The following NPFFR2 variants were observed in gnomAD, a reference collection of about 807,000 sequenced individuals.
The protein encoded by NPFFR2 is neuropeptide FF receptor 2.
A neutral mutation model predicts 13.1 loss-of-function variants in NPFFR2; 15 were observed. That is an observed-to-expected ratio of 1.15 (90% CI 0.77 to 1.76). NPFFR2 has a LOEUF of 1.76. Ranked by LOEUF, NPFFR2 falls within the 40% of genes most tolerant of loss-of-function variation. The probability of loss-of-function intolerance (pLI) is 0.00; values close to 1 mark genes in which losing one functional copy is unlikely to be tolerated. For missense variants in NPFFR2, 572 were observed against 503.5 expected (o/e 1.14, Z -1.30); for synonymous variants, 190 against 175.7 (o/e 1.08, Z -0.65).
At chr4:72,062,437 T>A (rs1401689930) in intron 1 of NPFFR2, among the ~76,000 whole-genome samples, 1 of 152,088 alleles carries the variant, frequency 6.6e-6, no homozygotes, top group Non-Finnish European at 1.5e-5. Context: ...GATTGCAACT[T>A]AATCAATTAA....
chr4:72,117,891 A>G (rs560494366), intron 1 of NPFFR2, among the ~76,000 whole-genome samples: 2 of 152,338 alleles, frequency 1.3e-5, no homozygotes, highest in East Asian at 3.9e-4. Flanking sequence ...AGTACACCAC[A>G]CATACTTTGC....
chr4:72,047,929 G>A (rs141094272), intron 1 of NPFFR2, among the ~76,000 whole-genome samples: 15 of 152,214 alleles, frequency 9.9e-5, no homozygotes, highest in Middle Eastern at 3.4e-3. Context: ...TTGAGAATGT[G>A]TCTAGGGACT....
intron 1 of NPFFR2, among the ~76,000 whole-genome samples, chr4:72,050,409 G>A (rs940836423): frequency 8.6e-5 from 13 of 151,942 alleles, no homozygotes; most frequent in Admixed American, 8.5e-4. Flanking sequence ...GGGGTTGTAC[G>A]TGCTTCATTA....
intron 1 of NPFFR2, among the ~76,000 whole-genome samples, chr4:72,116,684 G>GTA (rs1377059374): frequency 4.6e-5 from 7 of 152,172 alleles, no homozygotes; most frequent in African/African-American, 1.7e-4. Context: ...CACTTGAGGT[G>GTA]TAAAAGTATA....
rs559134742 is a variant in NPFFR2, at chr4:72,135,186, A to G, written c.329-2854A>G. On this transcript the variant is annotated intron_variant, in intron 2 of 3. Transcript: ENST00000308744. ...TTTGTATTTTGTTTTTCTTATGGAA[A>G]TCTTTTAGAACTTCCCTTTATCCCT... Among the ~76,000 whole-genome samples the G allele has an allele frequency of 2.6e-5, 4 of 152,198 alleles. No individual in the cohort carries two copies. The East Asian group carries it at 7.7e-4, about 29-fold the overall frequency.
chr4:72,051,809 G>A (rs1719592363), intron 1 of NPFFR2, among the ~76,000 whole-genome samples: 1 of 151,450 alleles, frequency 6.6e-6, no homozygotes, highest in Non-Finnish European at 1.5e-5. Context: ...ATGATAAAGG[G>A]GATATCACCA....
intron 1 of NPFFR2, among the ~76,000 whole-genome samples, chr4:72,116,741 G>C (rs74945285): frequency 0.018 from 2,751 of 152,166 alleles, 96 homozygotes; most frequent in African/African-American, 0.062. Flanking sequence ...GCATTCGTTT[G>C]ATTAAATCTT....
chr4:72,094,429 C>T (rs1721000759), intron 1 of NPFFR2, among the ~76,000 whole-genome samples: 1 of 152,094 alleles, frequency 6.6e-6, no homozygotes, highest in African/African-American at 2.4e-5. Context: ...GAGACTATGT[C>T]CTTTGTCTTC....
intron 1 of NPFFR2, among the ~76,000 whole-genome samples, chr4:72,076,106 T>C (rs771536423): frequency 6.6e-6 from 1 of 151,784 alleles, no homozygotes; most frequent in East Asian, 1.9e-4. Flanking sequence ...CTAGACGGCA[T>C]AGATAGTGGA....
chr4:72,062,996 G>A (rs1479339312), intron 1 of NPFFR2, among the ~76,000 whole-genome samples: 2 of 152,198 alleles, frequency 1.3e-5, no homozygotes, highest in Non-Finnish European at 2.9e-5. Flanking sequence ...GTAGTTGGTT[G>A]TAATTATTGC....
intron 2 of NPFFR2, among the ~76,000 whole-genome samples, chr4:72,130,010 A>T (rs1336543286): frequency 2.1e-5 from 3 of 142,058 alleles, no homozygotes; most frequent in African/African-American, 8.2e-5. Flanking sequence ...CCCTTAATCC[A>T]TTCAACTCTG....
intron 1 of NPFFR2, among the ~76,000 whole-genome samples, chr4:72,079,053 A>AACACACACACACACAC (rs59522916): frequency 2.6e-4 from 36 of 139,216 alleles, no homozygotes; most frequent in African/African-American, 1.3e-4. Flanking sequence ...CATAGAACTA[A>AACACACACACACACAC]ACACACACAC....
At chr4:72,105,602 C>G (rs541030672) in intron 1 of NPFFR2, among the ~76,000 whole-genome samples, 1 of 151,964 alleles carries the variant, frequency 6.6e-6, no homozygotes, top group East Asian at 1.9e-4. Context: ...TTATAATTGA[C>G]TAACACCAGG....
intron 1 of NPFFR2, among the ~76,000 whole-genome samples, chr4:72,044,670 G>A (rs6841203): frequency 0.89 from 135,367 of 152,092 alleles, 61,369 homozygotes; most frequent in Non-Finnish European, 0.98. Flanking sequence ...TTTTTTTCAT[G>A]TAGCCATTGG....
chr4:72,130,475 A>T (rs1017953370), intron 2 of NPFFR2, among the ~76,000 whole-genome samples: 1 of 152,172 alleles, frequency 6.6e-6, no homozygotes, highest in African/African-American at 2.4e-5. Flanking sequence ...AGCACCCTAA[A>T]GTACTTCTGG....
chr4:72,050,315 CT>C (rs369011620), intron 1 of NPFFR2, among the ~76,000 whole-genome samples: 474 of 152,106 alleles, frequency 3.1e-3, no homozygotes, highest in African/African-American at 0.01. Flanking sequence ...TTAAGCCCCC[CT>C]AACCAACTGA....
Position 72,147,258 on chromosome 4 carries a change from A to T in NPFFR2, c.709A>T (p.Ile237Phe). Residue 237 changes from isoleucine to phenylalanine, a missense_variant, in exon 4 of 4, where the codon ATC becomes TTC. Transcript: ENST00000308744. Reference sequence around the variant, plus strand: ...CCTGGCTCCCCTCTCCCTCATTGTCATCATGTATGGAAGGATTGGAATTTC... The same window carrying T: ...CCTGGCTCCCCTCTCCCTCATTGTCTTCATGTATGGAAGGATTGGAATTTC... ...IYLAPLSLIVIMYGRIGISLF... is the reference protein window; with the variant it reads ...IYLAPLSLIVFMYGRIGISLF... 6.2e-7 allele frequency: 1 copy of T among 1,614,110 alleles called. No individual in the cohort carries two copies. The highest frequency in any genetic ancestry group is 8.5e-7 in the Non-Finnish European group (1 of 1,180,020).
chr4:72,047,460 C>G (rs1719411680), intron 1 of NPFFR2, among the ~76,000 whole-genome samples: 1 of 152,084 alleles, frequency 6.6e-6, no homozygotes. Context: ...CAATGTGCCC[C>G]TAGTCTGCAC....
chr4:72,091,066 GTTC>G (rs1156523251), intron 1 of NPFFR2, among the ~76,000 whole-genome samples: 1 of 151,944 alleles, frequency 6.6e-6, no homozygotes, highest in Non-Finnish European at 1.5e-5. Context: ...TTTGTCAAAT[GTTC>G]TTCTGCATCT....
Sources: gnomAD v4.1 joint callset for allele counts (sites outside exome capture counted in the v4.1 genomes callset) on GRCh38, gnomAD v4.1.1 for gene constraint, MANE v1.5 for transcripts, NCBI Gene and HGNC (gene_info 2026-07-23, HGNC 2026-07-21) for gene names.